Variants in CELSR1 observed in about 807,000 individuals in gnomAD.
CELSR1 encodes adhesion G protein-coupled receptor C1.
A neutral mutation model predicts 249.1 loss-of-function variants in CELSR1; 110 were observed. The ratio of observed to expected loss-of-function variants is 0.44; its 90% confidence interval spans 0.38 to 0.52. CELSR1 has a LOEUF of 0.52. Ranked by LOEUF, CELSR1 falls within the 20% of genes least tolerant of loss-of-function variation. The pLI is 0.00. For missense variants in CELSR1, 4,109 were observed against 4,296.4 expected (o/e 0.96, Z 1.22); for synonymous variants, 2,113 against 1,900.0 (o/e 1.11, Z -2.92).
At chr22:46,524,799 A>G (rs994699958) in intron 1 of CELSR1, among the ~76,000 whole-genome samples, 1 of 152,152 alleles carries the variant, frequency 6.6e-6, no homozygotes, top group African/African-American at 2.4e-5. Flanking sequence ...AAAAATGCCC[A>G]TCCCTTCACC....
chr22:46,480,674 C>CT (rs1329592796), intron 1 of CELSR1, among the ~76,000 whole-genome samples: 2 of 152,206 alleles, frequency 1.3e-5, no homozygotes, highest in African/African-American at 4.8e-5. Flanking sequence ...ACCTGCCAGC[C>CT]TGTTGGTACC....
chr22:46,536,677 C>A lies in CELSR1; in HGVS notation c.494G>T (p.Arg165Leu). 8.7e-7 allele frequency: 1 copy of A among 1,148,596 alleles called. No individual in the cohort carries two copies. The highest frequency in any genetic ancestry group is 1.1e-6 in the Non-Finnish European group (1 of 937,674). 71.2% of individuals were successfully genotyped at this position (1,148,596 alleles called of 1,614,324 possible). Residue 165 changes from arginine to leucine, a missense_variant, in exon 1 of 35, where the codon CGC becomes CTC. By Grantham distance (102) the Arg-to-Leu change is moderately radical. Transcript: ENST00000674500. ...CAGGCAGATGGGACGGCCGGGACAG[C>A]GGGGCCTGGGGCGCGGCGGGCAGCG... ...ACRCPPRPRP[R>L]CPGRPICLPP...
Position 46,445,585 on chromosome 22 carries a change from T to C in CELSR1, c.4184-6174A>G, listed in dbSNP as rs946906855. Among the ~76,000 whole-genome samples, 40 of 152,218 alleles carry C rather than the reference T, an allele frequency of 2.6e-4. No homozygotes were observed. Among genetic ancestry groups the C allele is most frequent in the African/African-American group, 9.4e-4 (39 of 41,468 alleles). ...CTTAAGGACCCAAACTCATTACATC[T>C]GGAAAGAGCCCATTTCCAACTGAGG... On this transcript the variant is annotated intron_variant, in intron 2 of 34. Transcript: ENST00000674500. This position sits in a 1 kb window ranked among gnomAD's most constrained non-coding sequence, Gnocchi z 4.4.
At chr22:46,469,911 C>T (rs2080136415) in intron 1 of CELSR1, among the ~76,000 whole-genome samples, 1 of 26,440 alleles carries the variant, frequency 3.8e-5, no homozygotes, top group South Asian at 1.7e-3. Context: ...GCATCCGTCA[C>T]ATCTAGAACA....
chr22:46,431,010 G>A (rs1024117303), intron 5 of CELSR1, among the ~76,000 whole-genome samples: 8 of 152,308 alleles, frequency 5.3e-5, no homozygotes, highest in African/African-American at 1.7e-4. Flanking sequence ...ATAACCTCAG[G>A]CAAGAGAGAG....
chr22:46,498,521 G>C (rs1234986664), intron 1 of CELSR1, among the ~76,000 whole-genome samples: 2 of 151,560 alleles, frequency 1.3e-5, no homozygotes, highest in African/African-American at 4.8e-5. Flanking sequence ...GCTGAGGCAG[G>C]AGAGTCACTT....
At chr22:46,481,873 A>G (rs1210074759) in intron 1 of CELSR1, 2 of 188,932 alleles carry the variant, frequency 1.1e-5, no homozygotes, top group African/African-American at 2.4e-5. Context: ...CCCGGGTTCA[A>G]GAGATTCTCC....
intron 2 of CELSR1, among the ~76,000 whole-genome samples, chr22:46,453,912 C>T (rs1053341557): frequency 6.6e-6 from 1 of 152,148 alleles, no homozygotes; most frequent in East Asian, 1.9e-4. Flanking sequence ...CCAGGAGCAG[C>T]CGGGGTTGTT....
chr22:46,419,282 A>C (rs1033796092), intron 5 of CELSR1, among the ~76,000 whole-genome samples: 1 of 152,180 alleles, frequency 6.6e-6, no homozygotes, highest in Non-Finnish European at 1.5e-5. Flanking sequence ...AAATGCAGTG[A>C]GATACAGCGC....
chr22:46,477,619 T>C (rs2080223048), intron 1 of CELSR1, among the ~76,000 whole-genome samples: 1 of 150,692 alleles, frequency 6.6e-6, no homozygotes. Context: ...GCGATTTCCC[T>C]GCCTCAGCCT....
At chr22:46,386,282 T>C (rs1490196454) in intron 19 of CELSR1, 120 bp downstream of exon 19, 16 of 1,170,154 alleles carry the variant, frequency 1.4e-5, no homozygotes, top group Non-Finnish European at 1.7e-5. Flanking sequence ...ACAATCATTT[T>C]TCTAAGAGCA....
chr22:46,524,572 CT>C (rs1457541187), intron 1 of CELSR1, among the ~76,000 whole-genome samples: 10 of 113,820 alleles, frequency 8.8e-5, no homozygotes, highest in South Asian at 5.8e-4. Flanking sequence ...GTGTGTGTGT[CT>C]GTCTGTCTGT....
chr22:46,533,842 T>C lies in CELSR1; in HGVS notation c.3329A>G (p.Asn1110Ser). 1 of 1,613,862 alleles carries C rather than the reference T, an allele frequency of 6.2e-7. No individual in the cohort carries two copies. The change falls in exon 1 of 35, where the codon AAC becomes AGC. Residue 1110 changes from asparagine (N) to serine (S), a missense_variant. This residue lies in a region of CELSR1 where 886 missense variants were observed against 896.5 expected (regional missense o/e 0.99). Transcript: ENST00000674500. Reference protein sequence around the residue: ...VLPDFQILFNNYVTNKSNSFP... With the variant: ...VLPDFQILFNSYVTNKSNSFP... ...ACTGTTGGACTTGTTGGTGACATAG[T>C]TGTTGAAGAGGATCTGGAAGTCGGG...
chr22:46,426,999 G>C (rs1198413567), intron 5 of CELSR1, among the ~76,000 whole-genome samples: 3 of 152,218 alleles, frequency 2.0e-5, no homozygotes, highest in African/African-American at 7.2e-5. Context: ...TGAATGTGCA[G>C]AGCAGAGCAA....
intron 1 of CELSR1, among the ~76,000 whole-genome samples, chr22:46,487,329 T>G (rs1434295744): frequency 6.6e-6 from 1 of 151,370 alleles, no homozygotes; most frequent in Non-Finnish European, 1.5e-5. Flanking sequence ...AATATCTTTT[T>G]AAAGATTCTA....
At chr22:46,366,519 G>A in intron 29 of CELSR1, 39 bp from the exon 30 acceptor site, 4 of 1,453,522 alleles carry the variant, frequency 2.8e-6, no homozygotes, top group Non-Finnish European at 3.8e-6. Context: ...CCAAGTGGTG[G>A]CCACCACATG....
At chr22:46,373,929 C>G (rs1171244258) in intron 24 of CELSR1, among the ~76,000 whole-genome samples, 1 of 152,226 alleles carries the variant, frequency 6.6e-6, no homozygotes, top group East Asian at 1.9e-4. Context: ...CTTAAGGCCA[C>G]TTTGCTCAGG....
chr22:46,438,149 CA>C (rs57542538), intron 3 of CELSR1, among the ~76,000 whole-genome samples: 3,922 of 151,106 alleles, frequency 0.026, 168 homozygotes, highest in African/African-American at 0.089. Flanking sequence ...AAGCAAAAAG[CA>C]AAAAAAAGGA....
At position 46,389,616 on chromosome 22, in the gene CELSR1, TA is replaced by T. The variant is rs111476449; in HGVS notation, c.6346-118del. The T allele has an allele frequency of 4.0e-3, 4,606 of 1,155,976 alleles. 142 individuals are homozygous for T. In the African/African-American group the frequency reaches 0.062, roughly 16 times the overall value. The allele number at this position is 1,155,976 out of a possible 1,614,324, so 71.6% of individuals were successfully genotyped here. A position where few individuals can be genotyped will look rare whatever the true frequency, so the allele number is the denominator to read the frequency against. On this transcript the variant is annotated intron_variant, in intron 17 of 34. Coordinates refer to ENST00000674500, the MANE Select transcript of CELSR1 (RefSeq NM_001378328.1). ...AAGTTTCCTTGTCAGAAAGGAACTT[TA>T]AAAAATCCAAAAGCCTGGCTGGGCA...
Sources: allele counts gnomAD v4.1 joint callset (sites outside exome capture counted in the v4.1 genomes callset), GRCh38; gene constraint gnomAD v4.1.1; regional missense constraint gnomAD v4.1.1; non-coding constraint Gnocchi (gnomAD v3.1); transcripts MANE v1.5; gene names NCBI Gene and HGNC (gene_info 2026-07-23, HGNC 2026-07-21).